The following CDKAL1 variants were observed in gnomAD, a reference collection of about 807,000 sequenced individuals.
The protein encoded by CDKAL1 is threonylcarbamoyladenosine tRNA methylthiotransferase.
In CDKAL1, 32 loss-of-function variants were observed where a neutral mutation model predicts 68.2. The observed-to-expected ratio is 0.47, with a 90% CI of 0.35 to 0.63. The LOEUF is 0.63. Among genes scored for constraint, CDKAL1 ranks in the 30% least tolerant of loss-of-function variants. The pLI is 0.00. For missense variants in CDKAL1, 606 were observed against 696.7 expected, an observed-to-expected ratio of 0.87 and a Z score of 1.47; for synonymous variants, 234 against 244.3, an observed-to-expected ratio of 0.96 and a Z score of 0.39.
intron 5 of CDKAL1, among the ~76,000 whole-genome samples, chr6:20,670,516 TCTC>T (rs1769761803): frequency 6.6e-6 from 1 of 152,122 alleles, no homozygotes; most frequent in Admixed American, 6.6e-5. Flanking sequence ...GCTTTTGACT[TCTC>T]CTTCCATTTA....
chr6:20,750,239 C>G (rs1185442846), intron 6 of CDKAL1, among the ~76,000 whole-genome samples: 1 of 152,032 alleles, frequency 6.6e-6, no homozygotes, highest in Non-Finnish European at 1.5e-5. Flanking sequence ...CCACACATGG[C>G]TAATTTTTTG....
At chr6:20,800,198 G>T (rs188996994) in intron 8 of CDKAL1, among the ~76,000 whole-genome samples, 1 of 151,778 alleles carries the variant, frequency 6.6e-6, no homozygotes, top group Non-Finnish European at 1.5e-5. Flanking sequence ...AGCTTTATTT[G>T]CAATAGCCAA....
chr6:20,760,469 A>G (rs1236932362), intron 7 of CDKAL1, among the ~76,000 whole-genome samples: 1 of 152,170 alleles, frequency 6.6e-6, no homozygotes, highest in Non-Finnish European at 1.5e-5. Flanking sequence ...AAGTCATTTA[A>G]CCTTCATAAT....
At position 20,923,988 on chromosome 6, in the gene CDKAL1, G is replaced by A. The variant is rs1208052432; in HGVS notation, c.743-31431G>A. On this transcript the variant is annotated intron_variant, in intron 9 of 15. Transcript: ENST00000274695. ...GATCACACTACTGCACTCCAGCCTGGGTGGCAGAGTAAGACCCTGTCTCTA... is the reference window on the plus strand; with the variant it reads ...GATCACACTACTGCACTCCAGCCTGAGTGGCAGAGTAAGACCCTGTCTCTA... 2.2e-4 allele frequency among the ~76,000 whole-genome samples: 32 copies of A among 146,560 alleles called. No homozygotes were observed. In the East Asian group the frequency reaches 2.3e-3, roughly 11 times the overall value.
chr6:20,875,247 C>T (rs577436482), intron 9 of CDKAL1, among the ~76,000 whole-genome samples: 4 of 142,848 alleles, frequency 2.8e-5, no homozygotes, highest in East Asian at 4.2e-4. Context: ...TGCAGTGAGC[C>T]GAGATTGCGC....
At chr6:21,091,895 T>C in intron 12 of CDKAL1, among the ~76,000 whole-genome samples, 1 of 54,760 alleles carries the variant, frequency 1.8e-5, no homozygotes, top group East Asian at 7.4e-4. Flanking sequence ...TTTTTTTTTT[T>C]TTTTTTTTTG....
intron 6 of CDKAL1, among the ~76,000 whole-genome samples, chr6:20,742,432 A>G (rs1162834562): frequency 6.7e-6 from 1 of 148,892 alleles, no homozygotes; most frequent in Non-Finnish European, 1.5e-5. Flanking sequence ...TATCGCCATA[A>G]TGCATTTAAA....
At chr6:20,645,408 C>A (rs1165925632) in intron 4 of CDKAL1, among the ~76,000 whole-genome samples, 1 of 151,960 alleles carries the variant, frequency 6.6e-6, no homozygotes, top group African/African-American at 2.4e-5. Flanking sequence ...AAAAATATTT[C>A]CTTATTGTTT....
chr6:21,024,693 T>C (rs1768864857), intron 11 of CDKAL1, among the ~76,000 whole-genome samples: 1 of 152,140 alleles, frequency 6.6e-6, no homozygotes, highest in African/African-American at 2.4e-5. Flanking sequence ...GTCTATAAGA[T>C]AGAGGTGTCA....
intron 5 of CDKAL1, among the ~76,000 whole-genome samples, chr6:20,716,587 G>T (rs1002143745): frequency 2.0e-5 from 3 of 151,982 alleles, no homozygotes; most frequent in African/African-American, 4.8e-5. Flanking sequence ...TTTTGGTTTG[G>T]TTGGGTCTGG....
At chr6:20,828,932 C>T (rs982378591) in intron 8 of CDKAL1, among the ~76,000 whole-genome samples, 3 of 152,136 alleles carry the variant, frequency 2.0e-5, no homozygotes, top group South Asian at 2.1e-4. Context: ...TAAGTAGAAT[C>T]GTATAGTGTT....
chr6:20,892,240 G>T lies in CDKAL1; in HGVS notation c.742+46062G>T, dbSNP rs146928061. Among the ~76,000 whole-genome samples, 16 of 152,310 alleles carry T rather than the reference G, an allele frequency of 1.1e-4. No individual in the cohort carries two copies. In the East Asian group the frequency reaches 3.1e-3, roughly 29 times the overall value. On this transcript the variant is annotated intron_variant, in intron 9 of 15. Transcript: ENST00000274695. ...TAAGAAAGAGGTGTGGAGCAGTAGG[G>T]AGGGAGAGGGAGAGAGACTGAAGTG...
In CDKAL1 at chr6:20,643,020, C is replaced by G. The variant is rs16884038; in HGVS notation, c.287-6273C>G. 4.6e-3 allele frequency among the ~76,000 whole-genome samples: 705 copies of G among 152,288 alleles called. 3 individuals carry two copies. The highest frequency in any genetic ancestry group is 0.015 in the African/African-American group (638 of 41,568). ...AAGTTTGCAGCTCTCCAAAATAGAT[C>G]TGATATCCCAACTTTGGCATTGGCA... On this transcript the variant is annotated intron_variant, in intron 4 of 15. Transcript: ENST00000274695.
intron 10 of CDKAL1, among the ~76,000 whole-genome samples, chr6:20,977,765 C>A (rs555064665): frequency 2.3e-3 from 356 of 152,180 alleles, no homozygotes; most frequent in Admixed American, 4.6e-3. Context: ...GTAGTCCCAG[C>A]TATTCTGAAG....
At chr6:21,110,112 A>T (rs1489529868) in intron 13 of CDKAL1, among the ~76,000 whole-genome samples, 1 of 152,180 alleles carries the variant, frequency 6.6e-6, no homozygotes, top group Non-Finnish European at 1.5e-5. Context: ...TTTGATCTTT[A>T]AGATTGGTAA....
intron 4 of CDKAL1, among the ~76,000 whole-genome samples, chr6:20,643,321 C>G (rs1297645676): frequency 6.6e-6 from 1 of 152,214 alleles, no homozygotes; most frequent in Non-Finnish European, 1.5e-5. Context: ...GTGTTAACCT[C>G]TTAGCAGGTA....
intron 13 of CDKAL1, among the ~76,000 whole-genome samples, chr6:21,125,405 G>A (rs769339246): frequency 5.9e-5 from 9 of 152,282 alleles, no homozygotes; most frequent in Non-Finnish European, 1.5e-5. Context: ...GGGCACAGTG[G>A]CTCACACCTA....
chr6:20,752,676 T>C (rs1238844197), intron 6 of CDKAL1, among the ~76,000 whole-genome samples: 1 of 152,216 alleles, frequency 6.6e-6, no homozygotes, highest in African/African-American at 2.4e-5. Context: ...TCCCGATCCT[T>C]ATGAAAGTGA....
chr6:20,657,572 C>T (rs553879046), intron 5 of CDKAL1, among the ~76,000 whole-genome samples: 28 of 152,218 alleles, frequency 1.8e-4, no homozygotes, highest in Non-Finnish European at 3.7e-4. Flanking sequence ...CTTGTTTTGA[C>T]AGGAATAAAG....
Sources: gnomAD v4.1 joint callset for allele counts (sites outside exome capture counted in the v4.1 genomes callset) on GRCh38, gnomAD v4.1.1 for gene constraint, MANE v1.5 for transcripts, NCBI Gene and HGNC (gene_info 2026-07-23, HGNC 2026-07-21) for gene names.